The following KCNMA1 variants were observed in gnomAD, a reference collection of about 807,000 sequenced individuals.
KCNMA1 encodes Calcium-activated potassium channel subunit alpha-1.
A neutral mutation model predicts 140.0 loss-of-function variants in KCNMA1; 29 were observed. The observed-to-expected ratio is 0.21, with a 90% confidence interval of 0.15 to 0.28. The LOEUF (loss-of-function observed/expected upper bound fraction) is 0.28, where lower values mean the gene tolerates loss of function less well. Among genes scored for constraint, KCNMA1 ranks in the 10% least tolerant of loss-of-function variants. The pLI, the probability that KCNMA1 is intolerant of heterozygous loss-of-function variation, is 1.00. For synonymous variants in KCNMA1, 612 were observed against 611.9 expected (o/e 1.00, Z 0.00); for missense variants, 880 against 1,602.2 (o/e 0.55, Z 7.70).
chr10:76,881,227 TTAA>T (rs2034538496), downstream of KCNMA1, among the ~76,000 whole-genome samples: 1 of 152,208 alleles, frequency 6.6e-6, no homozygotes. Flanking sequence ...GAGGTGAAAG[TTAA>T]GCAGATCTAG....
At position 76,885,064 on chromosome 10, in the gene KCNMA1, C is replaced by T; in HGVS notation, c.*2202G>A. 6.5e-7 allele frequency: 1 copy of T among 1,546,254 alleles called. No individual in the cohort carries two copies. The highest frequency in any genetic ancestry group is 2.5e-5 in the East Asian group (1 of 40,720). ...ATGTGAGTTTTACAATGCTTTTAAA[C>T]TGTCATATTTCCTGTTGAGCACTTT... On this transcript the variant is annotated 3_prime_UTR_variant, in exon 28 of 28. Coordinates refer to ENST00000286628, the MANE Select transcript of KCNMA1 (RefSeq NM_001161352.2).
chr10:77,382,992 G>GTATATATATATATATATA (rs1227873900), intron 2 of KCNMA1, among the ~76,000 whole-genome samples: 1 of 44,480 alleles, frequency 2.2e-5, no homozygotes, highest in African/African-American at 1.3e-4. Flanking sequence ...GTGTGTGTGT[G>GTATATATATATATATATA]TGTATATATA....
intron 1 of KCNMA1, among the ~76,000 whole-genome samples, chr10:77,625,677 C>T (rs1282202647): frequency 6.6e-6 from 1 of 152,162 alleles, no homozygotes; most frequent in Non-Finnish European, 1.5e-5. Flanking sequence ...ACGTGTCAGA[C>T]TTGCCTTCCT....
rs559903214 is a variant in KCNMA1, at chr10:76,897,106, G to C, written c.3148-5387C>G. Among the ~76,000 whole-genome samples, 61 of 151,678 alleles carry C rather than the reference G, an allele frequency of 4.0e-4. 1 individual carries two copies. Among genetic ancestry groups the C allele is most frequent in the Non-Finnish European group, 5.6e-4 (38 of 67,928 alleles). ...TAAGCTAAATAGAGAAAGATATAGG[G>C]ATTTTTGTTTGTTTGTTTAATAAGA... is the stretch of plus-strand genomic sequence containing the variant. On this transcript the variant is annotated intron_variant, in intron 25 of 27. Coordinates refer to ENST00000286628, the MANE Select transcript of KCNMA1 (RefSeq NM_001161352.2).
At chr10:77,318,446 T>C (rs1483625711) in intron 2 of KCNMA1, among the ~76,000 whole-genome samples, 2 of 152,130 alleles carry the variant, frequency 1.3e-5, no homozygotes, top group Non-Finnish European at 1.5e-5. Flanking sequence ...CACACCACCA[T>C]GGACTCTACT....
At chr10:77,356,236 T>G (rs548116875) in intron 2 of KCNMA1, among the ~76,000 whole-genome samples, 1 of 152,290 alleles carries the variant, frequency 6.6e-6, no homozygotes, top group East Asian at 1.9e-4. Flanking sequence ...TCTGACCCTG[T>G]TTTCTCTCCT....
chr10:77,588,596 C>T (rs1049547812), intron 1 of KCNMA1, among the ~76,000 whole-genome samples: 1 of 152,172 alleles, frequency 6.6e-6, no homozygotes, highest in African/African-American at 2.4e-5. Flanking sequence ...TGGATTGAAA[C>T]CATCAGGAAG....
chr10:77,039,354 C>A, intron 15 of KCNMA1, 174 bp downstream of exon 15: 1 of 657,080 alleles, frequency 1.5e-6, no homozygotes, highest in South Asian at 1.7e-5. Context: ...ATTCCCCAGG[C>A]AGAGGCCATG....
chr10:77,016,360 C>T (rs1396792165), intron 17 of KCNMA1, among the ~76,000 whole-genome samples: 1 of 152,004 alleles, frequency 6.6e-6, no homozygotes, highest in Non-Finnish European at 1.5e-5. Context: ...GAATATGAGC[C>T]CCACGAGAGT....
intron 23 of KCNMA1, among the ~76,000 whole-genome samples, chr10:76,941,756 G>A (rs543210389): frequency 2.4e-4 from 36 of 152,086 alleles, no homozygotes; most frequent in Non-Finnish European, 4.3e-4. Context: ...CATTTGTGCG[G>A]TCTTAGTCCA....
chr10:77,571,453 C>A (rs1179523468), intron 1 of KCNMA1, among the ~76,000 whole-genome samples: 1 of 152,206 alleles, frequency 6.6e-6, no homozygotes, highest in Non-Finnish European at 1.5e-5. Context: ...CCAGGCAGTA[C>A]AAATTCAAAC....
intron 1 of KCNMA1, among the ~76,000 whole-genome samples, chr10:77,506,176 G>A (rs889623599): frequency 4.6e-5 from 7 of 152,152 alleles, no homozygotes; most frequent in African/African-American, 1.7e-4. Flanking sequence ...TCTGGCTCTT[G>A]TGTAGAGCTA....
chr10:76,923,997 C>T (rs990646070), intron 23 of KCNMA1, among the ~76,000 whole-genome samples: 1 of 151,980 alleles, frequency 6.6e-6, no homozygotes, highest in Non-Finnish European at 1.5e-5. Context: ...AAGGTGAGAC[C>T]CTGTCTCAAA....
chr10:77,251,499 T>G (rs532169137), intron 2 of KCNMA1, among the ~76,000 whole-genome samples: 2 of 152,306 alleles, frequency 1.3e-5, no homozygotes, highest in Admixed American at 1.3e-4. Flanking sequence ...CTCAGGGCAC[T>G]GGGTTTTTAT....
intron 3 of KCNMA1, among the ~76,000 whole-genome samples, chr10:77,196,778 T>C (rs2040633210): frequency 6.6e-6 from 1 of 152,210 alleles, no homozygotes; most frequent in East Asian, 1.9e-4. Flanking sequence ...CTAGGAACTG[T>C]TATTCCTACC....
intron 1 of KCNMA1, among the ~76,000 whole-genome samples, chr10:77,555,812 G>A (rs1375961575): frequency 6.6e-6 from 1 of 152,200 alleles, no homozygotes; most frequent in Non-Finnish European, 1.5e-5. Context: ...TATGCCTCAT[G>A]GAAGGCATCT....
chr10:77,325,579 C>A (rs2083860426), intron 2 of KCNMA1, among the ~76,000 whole-genome samples: 1 of 152,200 alleles, frequency 6.6e-6, no homozygotes, highest in Non-Finnish European at 1.5e-5. Context: ...AGGCCAGTTA[C>A]CAACAGGCTC....
chr10:77,511,298 A>G (rs907855429), intron 1 of KCNMA1, among the ~76,000 whole-genome samples: 2 of 152,230 alleles, frequency 1.3e-5, no homozygotes, highest in Non-Finnish European at 2.9e-5. Context: ...CCCCTCACAT[A>G]CAAGTTTAAT....
intron 1 of KCNMA1, among the ~76,000 whole-genome samples, chr10:77,432,075 C>G (rs900967588): frequency 6.6e-6 from 1 of 152,184 alleles, no homozygotes; most frequent in Non-Finnish European, 1.5e-5. Context: ...GCAAGCCTCT[C>G]ACACCTGCAG....
Sources: gnomAD v4.1 joint callset for allele counts (sites outside exome capture counted in the v4.1 genomes callset) on GRCh38, gnomAD v4.1.1 for gene constraint, MANE v1.5 for transcripts, NCBI Gene and HGNC (gene_info 2026-07-23, HGNC 2026-07-21) for gene names.